The following PTPN21 variants were observed in gnomAD, a reference collection of about 807,000 sequenced individuals.
PTPN21 encodes protein tyrosine phosphatase non-receptor type 21.
In PTPN21, 77 loss-of-function variants were observed where a neutral mutation model predicts 131.8. The observed-to-expected ratio is 0.58, with a 90% confidence interval of 0.49 to 0.71. The LOEUF (loss-of-function observed/expected upper bound fraction) is 0.71, where lower values mean the gene tolerates loss of function less well. Among genes scored for constraint, PTPN21 ranks in the 30% least tolerant of loss-of-function variants. The pLI is 0.00. For synonymous variants in PTPN21, 715 were observed against 621.3 expected (o/e 1.15, Z -2.24); for missense variants, 1,552 against 1,527.1 (o/e 1.02, Z -0.27).
At chr14:88,516,142 G>C (rs78760298) in intron 3 of PTPN21, among the ~76,000 whole-genome samples, 3,515 of 152,110 alleles carry the variant, frequency 0.023, 134 homozygotes, top group African/African-American at 0.079. Context: ...AAGATACACG[G>C]ACAATCCTAA....
Position 88,479,949 on chromosome 14 carries a change from G to A in PTPN21, c.1482C>T (p.Pro494=), listed in dbSNP as rs1490598910. The change falls in exon 13 of 19, where the codon CCC becomes CCT. Residue 494 remains proline (P), a synonymous_variant. Coordinates refer to ENST00000556564, the MANE Select transcript of PTPN21 (RefSeq NM_007039.4). The part of the protein sequence containing the change: ...SRPAALVYSQ[P]EIREHAQLPS... ...GGAGCTGTGCGTGCTCGCGGATCTCGGGCTGGCTGTAGACCAGCGCCGCGG... is the reference window on the plus strand; with the variant it reads ...GGAGCTGTGCGTGCTCGCGGATCTCAGGCTGGCTGTAGACCAGCGCCGCGG... 3.7e-6 allele frequency: 6 copies of A among 1,607,410 alleles called. No individual in the cohort carries two copies. In the Admixed American group the frequency reaches 5.0e-5, roughly 13 times the overall value.
rs761156386 is a variant in PTPN21, at chr14:88,467,997, G to A, written c.*140C>T. ...CTTCGCACGTTTCCTTCAGCGTGCC[G>A]CCATTCAGACTGCGCCACTTACGTC... On this transcript the variant is annotated 3_prime_UTR_variant, in exon 19 of 19. Coordinates refer to ENST00000556564, the MANE Select transcript of PTPN21 (RefSeq NM_007039.4). The A allele has an allele frequency of 8.3e-6, 9 of 1,080,550 alleles. No individual in the cohort carries two copies. The highest frequency in any genetic ancestry group is 2.4e-5 in the East Asian group (1 of 41,774). The allele number at this position is 1,080,550 out of a possible 1,614,324, so 66.9% of individuals were successfully genotyped here. A position where few individuals can be genotyped will look rare whatever the true frequency, so the allele number is the denominator to read the frequency against.
At chr14:88,504,381 A>T in intron 6 of PTPN21, 44 bp downstream of exon 6, 1 of 1,313,762 alleles carries the variant, frequency 7.6e-7, no homozygotes, top group Non-Finnish European at 1.1e-6. Flanking sequence ...ATTCAAGCAG[A>T]CATTGGTTCT....
At chr14:88,529,303 T>C (rs2078522045) in intron 2 of PTPN21, among the ~76,000 whole-genome samples, 1 of 152,206 alleles carries the variant, frequency 6.6e-6, no homozygotes, top group South Asian at 2.1e-4. Context: ...CAACCCTACA[T>C]CCCTGGTATG....
At chr14:88,475,489 A>G (rs2077536304) in intron 13 of PTPN21, among the ~76,000 whole-genome samples, 2 of 152,230 alleles carry the variant, frequency 1.3e-5, no homozygotes, top group African/African-American at 4.8e-5. Context: ...CTTTCAGGCA[A>G]GTCACCTTTC....
At chr14:88,534,968 T>C (rs1253295637) in intron 2 of PTPN21, among the ~76,000 whole-genome samples, 1 of 152,188 alleles carries the variant, frequency 6.6e-6, no homozygotes, top group Non-Finnish European at 1.5e-5. Context: ...TAGTGCAACT[T>C]CCTAGGCCTT....
At position 88,517,768 on chromosome 14, in the gene PTPN21, CTATA is replaced by C. The variant is rs543329222; in HGVS notation, c.181-511_181-508del. ...GTGTGTATATACTAGTGTATATACA[CTATA>C]TATAATGGTATATATATATGTGTAC... On this transcript the variant is annotated intron_variant, in intron 2 of 18. Coordinates refer to ENST00000556564, the MANE Select transcript of PTPN21 (RefSeq NM_007039.4). Among the ~76,000 whole-genome samples the C allele has an allele frequency of 2.3e-3, 307 of 135,350 alleles. 1 individual carries two copies. Among genetic ancestry groups the C allele is most frequent in the African/African-American group, 7.7e-3 (282 of 36,576 alleles). 88.8% of individuals were successfully genotyped at this position (135,350 alleles called of 152,430 possible). A position where few individuals can be genotyped will look rare whatever the true frequency, so the allele number is the denominator to read the frequency against.
Position 88,551,003 on chromosome 14 carries a change from C to G in PTPN21, c.-202-384G>C, listed in dbSNP as rs1334141011. Among the ~76,000 whole-genome samples the G allele has an allele frequency of 3.3e-5, 5 of 152,194 alleles. No homozygotes were observed. In the East Asian group the frequency reaches 7.7e-4, roughly 24 times the overall value. ...ACTCCAAATGTCAGAGTTCTTTAGT[C>G]CTTAAGTGAGAAAAGTGCCAAATGG... On this transcript the variant is annotated intron_variant, in intron 1 of 18. Transcript: ENST00000556564.
At chr14:88,502,773 T>A (rs1312014278) in intron 6 of PTPN21, among the ~76,000 whole-genome samples, 1 of 152,158 alleles carries the variant, frequency 6.6e-6, no homozygotes, top group East Asian at 1.9e-4. Context: ...AGGCAGGATT[T>A]AACCAACTTG....
At chr14:88,508,584 T>C (rs1013550497) in intron 3 of PTPN21, among the ~76,000 whole-genome samples, 6 of 152,224 alleles carry the variant, frequency 3.9e-5, no homozygotes, top group Non-Finnish European at 1.5e-5. Context: ...CAATTAGTCA[T>C]CTGCTTCATG....
At chr14:88,509,590 G>A (rs989988201) in intron 3 of PTPN21, among the ~76,000 whole-genome samples, 33 of 152,102 alleles carry the variant, frequency 2.2e-4, no homozygotes, top group Non-Finnish European at 8.8e-5. Context: ...GGCAGTTCTG[G>A]GATCCACCAA....
chr14:88,513,826 G>A (rs2078221883), intron 3 of PTPN21: 2 of 152,216 alleles, frequency 1.3e-5, no homozygotes, highest in Non-Finnish European at 2.9e-5. Context: ...CCTTGAGGAT[G>A]TTAAATGTTA....
rs2078905390 is a variant in PTPN21, at chr14:88,554,949, G to C, written c.-501C>G. 6.6e-6 allele frequency among the ~76,000 whole-genome samples: 1 copy of C among 151,640 alleles called. No individual in the cohort carries two copies. Among genetic ancestry groups the C allele is most frequent in the African/African-American group, 2.4e-5 (1 of 41,380 alleles). ...GCGGGGGGTGGCAGGAGGACGGACA[G>C]ACCGTCGGACCGACGCGGGACGCGC... On this transcript the variant is annotated 5_prime_UTR_variant, in exon 1 of 19. Coordinates refer to ENST00000556564, the MANE Select transcript of PTPN21 (RefSeq NM_007039.4).
Position 88,472,264 on chromosome 14 carries a change from T to G in PTPN21, c.2851A>C (p.Ile951Leu). The change falls in exon 15 of 19, where the codon ATC becomes CTC. Residue 951 changes from isoleucine to leucine, a missense_variant. Physicochemically the swap from Ile to Leu is conservative, Grantham distance 5. Coordinates refer to ENST00000556564, the MANE Select transcript of PTPN21 (RefSeq NM_007039.4). ...VPTKENNTGY[I>L]NASHIKVSVS... ...CTCACCTTAATATGTGATGCGTTGA[T>G]GTAACCAGTGTTGTTTTCTTTAGTT... is the stretch of plus-strand genomic sequence containing the variant. The G allele has an allele frequency of 6.2e-7, 1 of 1,611,208 alleles. No homozygotes were observed. Among genetic ancestry groups the G allele is most frequent in the Non-Finnish European group, 8.5e-7 (1 of 1,177,360 alleles).
chr14:88,496,495 A>G lies in PTPN21; in HGVS notation c.853-3T>C. The G allele has an allele frequency of 1.9e-6, 3 of 1,611,946 alleles. No individual in the cohort carries two copies. Among genetic ancestry groups the G allele is most frequent in the South Asian group, 1.1e-5 (1 of 90,992 alleles). On this transcript the variant is annotated splice_polypyrimidine_tract_variant and splice_region_variant and intron_variant, in intron 9 of 18. Coordinates refer to ENST00000556564, the MANE Select transcript of PTPN21 (RefSeq NM_007039.4). ...TATTTTGCTGTTTCCATGTCTTCCT[A>G]GCAAACAAAATAGGCATAAAGCAAT...
intron 10 of PTPN21, among the ~76,000 whole-genome samples, chr14:88,491,968 A>C (rs1396019041): frequency 6.6e-6 from 1 of 152,020 alleles, no homozygotes; most frequent in Non-Finnish European, 1.5e-5. Flanking sequence ...ATTCACCATA[A>C]TCAATCATTT....
In PTPN21 at chr14:88,521,281, T is replaced by C. The variant is rs187364123; in HGVS notation, c.181-4020A>G. Among the ~76,000 whole-genome samples, 30 of 152,372 alleles carry C rather than the reference T, an allele frequency of 2.0e-4. No homozygotes were observed. The East Asian group carries it at 5.4e-3, about 27-fold the overall frequency. On this transcript the variant is annotated intron_variant, in intron 2 of 18. Coordinates refer to ENST00000556564, the MANE Select transcript of PTPN21 (RefSeq NM_007039.4). ...TGATTACAACAAAATACATTTCTGT[T>C]ACTATGTTTGTTTTCTGTTCCATCT...
chr14:88,534,442 G>T (rs780509110), intron 2 of PTPN21, among the ~76,000 whole-genome samples: 12 of 151,888 alleles, frequency 7.9e-5, no homozygotes, highest in Non-Finnish European at 2.9e-5. Flanking sequence ...ATAGAAAAAA[G>T]CTTATAGGGT....
chr14:88,548,006 T>C (rs2078807451), intron 2 of PTPN21, among the ~76,000 whole-genome samples: 1 of 152,104 alleles, frequency 6.6e-6, no homozygotes, highest in Non-Finnish European at 1.5e-5. Context: ...TTGCCCCTAA[T>C]AGATCTGCAC....
Sources: gnomAD v4.1 joint callset for allele counts (sites outside exome capture counted in the v4.1 genomes callset) on GRCh38, gnomAD v4.1.1 for gene constraint, MANE v1.5 for transcripts, NCBI Gene and HGNC (gene_info 2026-07-23, HGNC 2026-07-21) for gene names.